TRHDE: variants seen among roughly 807,000 people sequenced by gnomAD.
The protein encoded by TRHDE is thyrotropin releasing hormone degrading enzyme.
TRHDE carries 72 observed loss-of-function variants against 125.7 expected under a neutral mutation model. The observed-to-expected ratio is 0.57, with a 90% CI of 0.47 to 0.70. The LOEUF (loss-of-function observed/expected upper bound fraction) is 0.70. Ranked by LOEUF, TRHDE falls within the 30% of genes least tolerant of loss-of-function variation. The pLI is 0.00. For synonymous variants in TRHDE, 509 were observed against 509.1 expected, an observed-to-expected ratio of 1.00 and a Z score of 0.00; for missense variants, 1,110 against 1,327.1, an observed-to-expected ratio of 0.84 and a Z score of 2.54.
chr12:72,546,967 A>G (rs946924865), intron 7 of TRHDE, among the ~76,000 whole-genome samples: 1 of 151,706 alleles, frequency 6.6e-6, no homozygotes, highest in Non-Finnish European at 1.5e-5. Context: ...CATTTTGCAG[A>G]ACATAAAGTT....
chr12:72,619,919 A>G (rs954363136), intron 13 of TRHDE, among the ~76,000 whole-genome samples: 1 of 152,136 alleles, frequency 6.6e-6, no homozygotes, highest in Admixed American at 6.6e-5. Flanking sequence ...GATGCCCATC[A>G]GAATTCCTTC....
chr12:72,643,004 T>C (rs748850009), intron 15 of TRHDE, among the ~76,000 whole-genome samples: 49 of 152,214 alleles, frequency 3.2e-4, no homozygotes, highest in Non-Finnish European at 5.1e-4. Context: ...TCATTAACAA[T>C]GGAAGTCATT....
chr12:72,510,860 A>G (rs1416625968), intron 6 of TRHDE, among the ~76,000 whole-genome samples: 3 of 152,156 alleles, frequency 2.0e-5, no homozygotes, highest in Non-Finnish European at 2.9e-5. Context: ...GAACATTTGG[A>G]GATAAAGCCT....
In TRHDE at chr12:72,548,190, G is replaced by A. The variant is rs561791849; in HGVS notation, c.1788+5834G>A. On this transcript the variant is annotated intron_variant, in intron 7 of 18. Coordinates refer to ENST00000261180, the MANE Select transcript of TRHDE (RefSeq NM_013381.3). Reference sequence around the variant, plus strand: ...GTTGTTGAATTTCCCTTTCTGTGTGGTACCTGGAGTATAAATATACTGCAA... The same window carrying A: ...GTTGTTGAATTTCCCTTTCTGTGTGATACCTGGAGTATAAATATACTGCAA... Among the ~76,000 whole-genome samples the A allele has an allele frequency of 2.0e-5, 3 of 151,696 alleles. No homozygotes were observed. In the South Asian group the frequency reaches 6.2e-4, roughly 31 times the overall value.
At chr12:72,222,871 A>G (rs1878029048) in intron 2 of TRHDE, among the ~76,000 whole-genome samples, 1 of 152,074 alleles carries the variant, frequency 6.6e-6, no homozygotes, top group Non-Finnish European at 1.5e-5. Context: ...TGAGTTTTTG[A>G]TGGAAAGGAA....
intron 3 of TRHDE, among the ~76,000 whole-genome samples, chr12:72,444,300 A>T (rs1209077913): frequency 6.6e-6 from 1 of 151,856 alleles, no homozygotes; most frequent in Admixed American, 6.6e-5. Context: ...AAATTCCCTT[A>T]TTCTAATTGC....
intron 1 of TRHDE, among the ~76,000 whole-genome samples, chr12:72,278,146 A>T (rs1403151527): frequency 6.6e-6 from 1 of 152,116 alleles, no homozygotes; most frequent in African/African-American, 2.4e-5. Context: ...TCTCTAATTC[A>T]GTGAGGTCAA....
At chr12:72,543,275 A>G (rs143906336) in intron 7 of TRHDE, among the ~76,000 whole-genome samples, 3 of 151,630 alleles carry the variant, frequency 2.0e-5, no homozygotes, top group Non-Finnish European at 3.0e-5. Context: ...AGAGTTAACT[A>G]TGTTATGACA....
At chr12:72,247,036 G>A (rs904977138) in intron 2 of TRHDE, among the ~76,000 whole-genome samples, 1 of 152,136 alleles carries the variant, frequency 6.6e-6, no homozygotes, top group African/African-American at 2.4e-5. Flanking sequence ...TTATTCTTCA[G>A]TATCCATGGG....
intron 3 of TRHDE, among the ~76,000 whole-genome samples, chr12:72,408,182 C>T (rs1239615226): frequency 6.6e-6 from 1 of 152,194 alleles, no homozygotes; most frequent in African/African-American, 2.4e-5. Flanking sequence ...CAAGCACTCT[C>T]TAATAGTGAC....
At chr12:72,249,014 G>A (rs964603353) in intron 2 of TRHDE, among the ~76,000 whole-genome samples, 6 of 152,130 alleles carry the variant, frequency 3.9e-5, no homozygotes, top group African/African-American at 1.4e-4. Context: ...GTTGAGCTCT[G>A]GTTTTTATTA....
intron 6 of TRHDE, among the ~76,000 whole-genome samples, chr12:72,525,189 T>G (rs771431187): frequency 6.6e-6 from 1 of 152,116 alleles, no homozygotes; most frequent in Non-Finnish European, 1.5e-5. Flanking sequence ...TTACTTCAAT[T>G]TAATGGTATT....
At chr12:72,316,910 G>A (rs970000716) in intron 2 of TRHDE, among the ~76,000 whole-genome samples, 11 of 152,242 alleles carry the variant, frequency 7.2e-5, no homozygotes, top group South Asian at 4.1e-4. Flanking sequence ...ATACAAGCCC[G>A]AATTCCTGAG....
chr12:72,453,001 G>C (rs948784110), intron 3 of TRHDE, among the ~76,000 whole-genome samples: 1 of 152,186 alleles, frequency 6.6e-6, no homozygotes, highest in Non-Finnish European at 1.5e-5. Context: ...GCCTAACACA[G>C]ATCATTGGTA....
intron 2 of TRHDE, among the ~76,000 whole-genome samples, chr12:72,314,276 C>CTCTTT (rs10589672): frequency 6.0e-5 from 9 of 149,188 alleles, no homozygotes; most frequent in Non-Finnish European, 1.0e-4. Context: ...CTCTCTCTTT[C>CTCTTT]TCTTTTCTTT....
intron 6 of TRHDE, among the ~76,000 whole-genome samples, chr12:72,504,965 A>T (rs534596090): frequency 2.0e-5 from 3 of 152,268 alleles, no homozygotes; most frequent in African/African-American, 7.2e-5. Flanking sequence ...TATTCTGATT[A>T]TTCCCAGTTC....
intron 15 of TRHDE, among the ~76,000 whole-genome samples, chr12:72,649,784 A>G (rs1396500861): frequency 6.6e-6 from 1 of 152,100 alleles, no homozygotes; most frequent in Non-Finnish European, 1.5e-5. Flanking sequence ...GCTATGTGAA[A>G]AAAAGTCACT....
intron 2 of TRHDE, among the ~76,000 whole-genome samples, chr12:72,211,655 A>G (rs1056854873): frequency 6.6e-6 from 1 of 152,180 alleles, no homozygotes; most frequent in Admixed American, 6.5e-5. Flanking sequence ...GCAAAGCTAT[A>G]TAGACTGCTA....
Position 72,286,684 on chromosome 12 carries a change from C to T in TRHDE, c.918C>T (p.Phe306=). The part of the protein sequence containing the change: ...SSYVLHGERR[F]LGVTQFSPTH... ...AATGTCATTTTCTTTTTTCCAGATTCCTTGGTGTTACTCAGTTTTCGCCTA... is the reference window on the plus strand; with the variant it reads ...AATGTCATTTTCTTTTTTCCAGATTTCTTGGTGTTACTCAGTTTTCGCCTA... The change falls in exon 2 of 19, where the codon TTC becomes TTT. Residue 306 remains phenylalanine (F), a synonymous_variant. Coordinates refer to ENST00000261180, the MANE Select transcript of TRHDE (RefSeq NM_013381.3). The T allele has an allele frequency of 2.5e-6, 4 of 1,611,798 alleles. No homozygotes were observed. The highest frequency in any genetic ancestry group is 3.4e-6 in the Non-Finnish European group (4 of 1,179,002).
Sources: allele counts gnomAD v4.1 joint callset (sites outside exome capture counted in the v4.1 genomes callset), GRCh38; gene constraint gnomAD v4.1.1; transcripts MANE v1.5; gene names NCBI Gene and HGNC (gene_info 2026-07-23, HGNC 2026-07-21).